The following SEC24C variants were observed in gnomAD, a reference collection of about 807,000 sequenced individuals.
The protein encoded by SEC24C is protein transport protein Sec24C.
SEC24C carries 22 observed loss-of-function variants against 117.0 expected under a neutral mutation model. The ratio of observed to expected loss-of-function variants is 0.19; its 90% confidence interval spans 0.13 to 0.27. The LOEUF (loss-of-function observed/expected upper bound fraction) is 0.27. Among genes scored for constraint, SEC24C ranks in the 10% least tolerant of loss-of-function variants. SEC24C has a pLI of 1.00. For missense variants in SEC24C, 1,155 were observed against 1,375.1 expected, an observed-to-expected ratio of 0.84 and a Z score of 2.53; for synonymous variants, 506 against 529.4, an observed-to-expected ratio of 0.96 and a Z score of 0.61.
intron 1 of SEC24C, among the ~76,000 whole-genome samples, chr10:73,745,570 A>G (rs2082534361): frequency 1.0e-5 from 1 of 96,176 alleles, no homozygotes; most frequent in African/African-American, 3.5e-5. Flanking sequence ...TTTTTTTGAA[A>G]GGGCGTCTTG....
At chr10:73,763,669 T>TTTC (rs2082833035) in intron 7 of SEC24C, 68 bp downstream of exon 7, 2 of 316,262 alleles carry the variant, frequency 6.3e-6, no homozygotes, top group African/African-American at 2.9e-5. Context: ...GGTTGGGGCT[T>TTTC]TTTTTTTTTT....
At chr10:73,755,626 G>A (rs1387123510) in intron 3 of SEC24C, among the ~76,000 whole-genome samples, 3 of 151,594 alleles carry the variant, frequency 2.0e-5, no homozygotes, top group Non-Finnish European at 2.9e-5. Context: ...GCAGTGAGCC[G>A]AGATCTTGCC....
intron 3 of SEC24C, among the ~76,000 whole-genome samples, chr10:73,758,017 C>T (rs1362905989): frequency 1.3e-5 from 2 of 149,826 alleles, no homozygotes; most frequent in Admixed American, 6.7e-5. Context: ...GGGCGAATCA[C>T]GAGGTCAGGA....
Position 73,765,834 on chromosome 10 carries a change from C to T in SEC24C, c.1401C>T (p.Thr467=), listed in dbSNP as rs746543668. 2.7e-5 allele frequency: 44 copies of T among 1,614,082 alleles called. 1 individual carries two copies. The South Asian group carries it at 3.5e-4, about 13-fold the overall frequency. Residue 467 remains threonine, a synonymous_variant, in exon 10 of 23, where the codon ACC becomes ACT. Coordinates refer to ENST00000345254, the MANE Select transcript of SEC24C (RefSeq NM_198597.3). ...PPQYFQHLDH[T]GKRVDAYDRP... is the part of the protein sequence containing the mutation. ...AGTATTTTCAGCACCTGGATCATAC[C>T]GGCAAACGTGTGGATGCTTATGACC...
At chr10:73,746,453 C>T (rs909884540) in intron 1 of SEC24C, among the ~76,000 whole-genome samples, 28 of 152,142 alleles carry the variant, frequency 1.8e-4, no homozygotes, top group African/African-American at 6.8e-4. Flanking sequence ...TTTCTTTCAC[C>T]TGTAACATCA....
rs982196409 is a variant in SEC24C at position 73,770,348 on chromosome 10, T to C, written c.2931T>C (p.Asn977=). 7 of 1,613,226 alleles carry C rather than the reference T, an allele frequency of 4.3e-6. No homozygotes were observed. The highest frequency in any genetic ancestry group is 2.7e-5 in the African/African-American group (2 of 74,596). The change falls in exon 21 of 23, where the codon AAT becomes AAC. Residue 977 remains asparagine, a synonymous_variant. Coordinates refer to ENST00000345254, the MANE Select transcript of SEC24C (RefSeq NM_198597.3). ...AVRASEERLS[N]GDIYLLENGL... ...GAGCCTCTGAAGAGCGTCTAAGCAA[T>C]GGGGATATATATTTACTGGAGAATG...
At chr10:73,745,634 C>T (rs567546727) in intron 1 of SEC24C, among the ~76,000 whole-genome samples, 4 of 151,764 alleles carry the variant, frequency 2.6e-5, no homozygotes, top group East Asian at 4.0e-4. Context: ...TTGCAATCTC[C>T]GCCTCCCGGG....
At chr10:73,765,001 C>G (rs12413039) in intron 8 of SEC24C, among the ~76,000 whole-genome samples, 35,515 of 152,114 alleles carry the variant, frequency 0.23, 4,888 homozygotes, top group East Asian at 0.51. Context: ...CCTGGGGCAT[C>G]AGTAACTGGC....
chr10:73,745,395 C>A (rs1249541401), intron 1 of SEC24C, among the ~76,000 whole-genome samples: 3 of 151,338 alleles, frequency 2.0e-5, no homozygotes, highest in African/African-American at 7.3e-5. Context: ...TAGTCTTCTG[C>A]TTGAGGGATG....
At chr10:73,762,482 A>G (rs954181181) in intron 6 of SEC24C, among the ~76,000 whole-genome samples, 24 of 152,290 alleles carry the variant, frequency 1.6e-4, no homozygotes, top group South Asian at 6.2e-4. Context: ...CAGGTGATGT[A>G]TGATGGAAGA....
At position 73,769,899 on chromosome 10, in the gene SEC24C, G is replaced by A; in HGVS notation, c.2746G>A (p.Val916Ile). 1 of 1,614,186 alleles carries A rather than the reference G, an allele frequency of 6.2e-7. No individual in the cohort carries two copies. Among genetic ancestry groups the A allele is most frequent in the Non-Finnish European group, 8.5e-7 (1 of 1,180,036 alleles). The change falls in exon 20 of 23, where the codon GTC (valine) becomes ATC (isoleucine). Residue 916 changes from valine to isoleucine, a missense_variant. By Grantham distance (29) the Val-to-Ile change is conservative (BLOSUM62 3). Around this residue, in one of 2 missense-constraint regions of SEC24C, gnomAD observed 759 missense variants for 992.3 expected, o/e 0.76. Transcript: ENST00000345254. This position sits in a 1 kb window ranked among gnomAD's most constrained non-coding sequence, Gnocchi z 4.5. The part of the protein sequence containing the change: ...VYLNCVLKSD[V>I]LQPGAEVTTD... The stretch of plus-strand genomic sequence containing the variant: ...CCTGAACTGTGTGTTGAAGAGTGAT[G>A]TCCTGCAGCCTGGAGCTGAAGTCAC...
Position 73,770,351 on chromosome 10 carries a change from G to T in SEC24C, c.2934G>T (p.Gly978=), listed in dbSNP as rs571281326. The part of the protein sequence containing the change: ...VRASEERLSN[G]DIYLLENGLN... ...CCTCTGAAGAGCGTCTAAGCAATGG[G>T]GATATATATTTACTGGAGAATGGGC... is the stretch of plus-strand genomic sequence containing the variant. Residue 978 remains glycine (G), a synonymous_variant, in exon 21 of 23, where the codon GGG becomes GGT. Transcript: ENST00000345254. 1.2e-6 allele frequency: 2 copies of T among 1,613,532 alleles called. No individual in the cohort carries two copies. The highest frequency in any genetic ancestry group is 1.7e-6 in the Non-Finnish European group (2 of 1,179,868).
Position 73,764,897 on chromosome 10 carries a change from A to C in SEC24C, c.1228-554A>C, listed in dbSNP as rs550716425. ...CAAAGGCTCAGTTTATATTCTGCTTATCTCTCCGTCTTTCTCTGTGTGTTT... is the reference window on the plus strand; with the variant it reads ...CAAAGGCTCAGTTTATATTCTGCTTCTCTCTCCGTCTTTCTCTGTGTGTTT... On this transcript the variant is annotated intron_variant, in intron 8 of 22. Transcript: ENST00000345254. Among the ~76,000 whole-genome samples, 10 of 152,334 alleles carry C rather than the reference A, an allele frequency of 6.6e-5. No homozygotes were observed. In the East Asian group the frequency reaches 1.5e-3, roughly 23 times the overall value.
chr10:73,759,992 G>A lies in SEC24C; in HGVS notation c.482-26G>A, dbSNP rs529041306. 7 of 1,538,106 alleles carry A rather than the reference G, an allele frequency of 4.6e-6. No homozygotes were observed. The South Asian group carries it at 8.7e-5, about 19-fold the overall frequency. ...AAGGAGGCAGAATGACTGGGCTTTT[G>A]ACTCTACCTTTATTCTACTTCTCAG... On this transcript the variant is annotated intron_variant, in intron 4 of 22. Coordinates refer to ENST00000345254, the MANE Select transcript of SEC24C (RefSeq NM_198597.3).
chr10:73,746,884 C>T lies in SEC24C; in HGVS notation c.52C>T (p.Pro18Ser), dbSNP rs1461673274. The T allele has an allele frequency of 6.2e-7, 1 of 1,613,472 alleles. No individual in the cohort carries two copies. The highest frequency in any genetic ancestry group is 8.5e-7 in the Non-Finnish European group (1 of 1,179,766). Residue 18 changes from proline to serine, a missense_variant, in exon 2 of 23, where the codon CCC (proline) becomes TCC (serine). By Grantham distance (74) the Pro-to-Ser change is moderately conservative (BLOSUM62 -1). Transcript: ENST00000345254. The stretch of plus-strand genomic sequence containing the variant: ...TGTGCCACCATTTGGGCAGCCCCAG[C>T]CCATCTACCCAGGGTATCATCAGTC... ...PPVPPFGQPQ[P>S]IYPGYHQSSY...
rs1384906994 is a variant in SEC24C at position 73,769,179 on chromosome 10, AGG to A, written c.2424+28_2424+29del. 6.2e-7 allele frequency: 1 copy of A among 1,612,444 alleles called. No homozygotes were observed. The highest frequency in any genetic ancestry group is 1.1e-5 in the South Asian group (1 of 90,878). ...TGGCAGGCGGGAGGCGGGGCTGGGC[AGG>A]AAGTGTTTCATTCGCTTGGTATAGA... On this transcript the variant is annotated intron_variant, in intron 17 of 22. Transcript: ENST00000345254. This position sits in a 1 kb window ranked among gnomAD's most constrained non-coding sequence, Gnocchi z 4.5.
At chr10:73,744,837 A>C (rs960656480) in intron 1 of SEC24C, among the ~76,000 whole-genome samples, 1 of 152,038 alleles carries the variant, frequency 6.6e-6, no homozygotes, top group Non-Finnish European at 1.5e-5. Flanking sequence ...ACCCTCGACT[A>C]TCCACCCAGA....
chr10:73,760,442 T>G (rs1589521083), intron 5 of SEC24C, 56 bp downstream of exon 5: 1 of 1,499,310 alleles, frequency 6.7e-7, no homozygotes, highest in Non-Finnish European at 8.9e-7. Context: ...ACTCAGGTGG[T>G]TTTTGATGTT....
intron 3 of SEC24C, among the ~76,000 whole-genome samples, chr10:73,758,796 G>A (rs1030807463): frequency 6.6e-6 from 1 of 152,024 alleles, no homozygotes. Flanking sequence ...GCCACATTTT[G>A]TTTATCCATT....
Sources: gnomAD v4.1 joint callset for allele counts (sites outside exome capture counted in the v4.1 genomes callset) on GRCh38, gnomAD v4.1.1 for gene constraint, gnomAD v4.1.1 regional missense constraint, Gnocchi (gnomAD v3.1) non-coding constraint, MANE v1.5 for transcripts, NCBI Gene and HGNC (gene_info 2026-07-23, HGNC 2026-07-21) for gene names.